Variants in ANAPC10 observed in about 807,000 individuals in gnomAD.
ANAPC10 encodes the protein anaphase-promoting complex subunit 10.
In ANAPC10, 12 loss-of-function variants were observed where a neutral mutation model predicts 22.0. That is an observed-to-expected ratio of 0.55 (90% CI 0.35 to 0.88). The LOEUF (loss-of-function observed/expected upper bound fraction) is 0.88. Ranked by LOEUF, ANAPC10 falls within the 40% of genes least tolerant of loss-of-function variation. ANAPC10 has a pLI of 0.01. For missense variants in ANAPC10, 188 were observed against 220.9 expected (o/e 0.85, Z 0.94); for synonymous variants, 65 against 69.5 (o/e 0.94, Z 0.32).
chr4:145,035,212 T>C (rs1352447138), intron 4 of ANAPC10: 3 of 152,174 alleles, frequency 2.0e-5, no homozygotes, highest in South Asian at 2.1e-4. Context: ...GCTGGCTAGA[T>C]TGGTATTAAC....
rs1553967000 is a variant in ANAPC10 at position 145,026,945 on chromosome 4, A to ATGTGTGTG, written c.328-31350_328-31343dup. 2.3e-4 allele frequency among the ~76,000 whole-genome samples: 4 copies of ATGTGTGTG among 17,154 alleles called. 1 individual carries two copies. Among genetic ancestry groups the ATGTGTGTG allele is most frequent in the African/African-American group, 3.1e-4 (2 of 6,428 alleles). 11.3% of individuals were successfully genotyped at this position (17,154 alleles called of 152,430 possible). ...CATATATATATATATATATATATAT[A>ATGTGTGTG]TGTGTGTGTGTGTATATATATATAT... On this transcript the variant is annotated intron_variant, in intron 4 of 4. Transcript: ENST00000507656.
At chr4:144,996,626 G>C (rs554440138) in intron 4 of ANAPC10, among the ~76,000 whole-genome samples, 4 of 152,116 alleles carry the variant, frequency 2.6e-5, no homozygotes, top group Non-Finnish European at 4.4e-5. Context: ...ACAAAGATGG[G>C]GAGAAACCAG....
At chr4:145,047,855 T>C (rs1197325869) in intron 4 of ANAPC10, among the ~76,000 whole-genome samples, 1 of 152,144 alleles carries the variant, frequency 6.6e-6, no homozygotes, top group African/African-American at 2.4e-5. Context: ...GCTACCTAAA[T>C]ACTAAGGTAG....
intron 4 of ANAPC10, among the ~76,000 whole-genome samples, chr4:145,016,225 C>T (rs544394559): frequency 1.5e-3 from 233 of 152,230 alleles, no homozygotes; most frequent in African/African-American, 5.3e-3. Context: ...AAAACCCCAC[C>T]GTCTCAGCCC....
chr4:145,071,848 A>G (rs751799758), intron 3 of ANAPC10, among the ~76,000 whole-genome samples: 1 of 152,340 alleles, frequency 6.6e-6, no homozygotes. Flanking sequence ...CATCCATAAG[A>G]TAATAGTCAG....
At chr4:145,097,097 G>C (rs939117777) in intron 1 of ANAPC10, 6 of 193,094 alleles carry the variant, frequency 3.1e-5, no homozygotes, top group African/African-American at 7.2e-5. Flanking sequence ...GTAGTCCCAG[G>C]GGGGCTGAGA....
intron 4 of ANAPC10, among the ~76,000 whole-genome samples, chr4:145,048,126 T>C (rs1740599631): frequency 6.6e-6 from 1 of 152,148 alleles, no homozygotes; most frequent in Non-Finnish European, 1.5e-5. Context: ...ATTCTTTTCC[T>C]CAGTAAAGCT....
chr4:145,019,552 C>T (rs572483051), intron 4 of ANAPC10, among the ~76,000 whole-genome samples: 2 of 152,100 alleles, frequency 1.3e-5, no homozygotes, highest in Admixed American at 6.6e-5. Context: ...GAAACACGAA[C>T]AAACCAAACC....
chr4:145,062,476 G>A (rs752268468), intron 4 of ANAPC10, among the ~76,000 whole-genome samples: 36 of 151,932 alleles, frequency 2.4e-4, no homozygotes, highest in Non-Finnish European at 3.8e-4. Context: ...GCATGGTGGC[G>A]CATTCCTGTA....
intron 2 of ANAPC10, among the ~76,000 whole-genome samples, chr4:145,091,287 T>C (rs1321171660): frequency 3.9e-5 from 6 of 152,182 alleles, no homozygotes; most frequent in African/African-American, 1.2e-4. Context: ...AATATTGTGA[T>C]AGTAATGAGG....
chr4:145,004,747 T>C (rs1320830800), intron 4 of ANAPC10, among the ~76,000 whole-genome samples: 1 of 152,158 alleles, frequency 6.6e-6, no homozygotes, highest in Non-Finnish European at 1.5e-5. Flanking sequence ...TTCAGTTTGC[T>C]AGTATTTTGT....
chr4:145,056,488 A>T (rs879150538), intron 4 of ANAPC10, among the ~76,000 whole-genome samples: 1 of 152,066 alleles, frequency 6.6e-6, no homozygotes, highest in African/African-American at 2.4e-5. Context: ...TTCCTTAAAA[A>T]ACTCGCTTTC....
At chr4:145,069,308 T>A (rs111263147) in intron 3 of ANAPC10, among the ~76,000 whole-genome samples, 2,740 of 152,232 alleles carry the variant, frequency 0.018, 95 homozygotes, top group African/African-American at 0.062. Context: ...CCAAAGAGAA[T>A]CTAGTAGTCT....
In ANAPC10 at chr4:145,066,786, A is replaced by AC. The variant is rs1743762312; in HGVS notation, c.207-2095_207-2094insG. Among the ~76,000 whole-genome samples, 7 of 151,580 alleles carry AC rather than the reference A, an allele frequency of 4.6e-5. No individual in the cohort carries two copies. The South Asian group carries it at 1.5e-3, about 32-fold the overall frequency. On this transcript the variant is annotated intron_variant, in intron 3 of 4. Coordinates refer to ENST00000507656, the MANE Select transcript of ANAPC10 (RefSeq NM_001256706.2). ...CTTCATTTTTCTGATTTAAAAAAAA[A>AC]ACATAACACTTAGGTTAATAACTGG...
At chr4:145,079,599 G>A (rs1051289098) in intron 3 of ANAPC10, among the ~76,000 whole-genome samples, 9 of 152,082 alleles carry the variant, frequency 5.9e-5, no homozygotes, top group African/African-American at 1.4e-4. Context: ...GCAGCACTAC[G>A]CACAATAGCA....
At chr4:144,996,368 C>A (rs1731611852) in intron 4 of ANAPC10, among the ~76,000 whole-genome samples, 2 of 152,170 alleles carry the variant, frequency 1.3e-5, no homozygotes, top group Admixed American at 1.3e-4. Flanking sequence ...CAGCTGGGCG[C>A]CACTTGGAGA....
Position 144,995,196 on chromosome 4 carries a change from T to TA in ANAPC10, c.*176dup. The stretch of plus-strand genomic sequence containing the variant: ...AAAATATGTGAGCTTTATTACATGT[T>TA]AAAGAAAATAAAGATAATATGACCC... On this transcript the variant is annotated 3_prime_UTR_variant, in exon 5 of 5. Transcript: ENST00000507656. 2 of 414,712 alleles carry TA rather than the reference T, an allele frequency of 4.8e-6. No homozygotes were observed. Among genetic ancestry groups the TA allele is most frequent in the Non-Finnish European group, 8.5e-6 (2 of 236,508 alleles). 25.7% of individuals were successfully genotyped at this position (414,712 alleles called of 1,614,324 possible).
intron 4 of ANAPC10, 37 bp from the exon 5 acceptor site, chr4:144,995,640 C>A: frequency 7.3e-7 from 1 of 1,374,942 alleles, no homozygotes. Context: ...TGCTTTTATT[C>A]AACAAATATA....
intron 2 of ANAPC10, among the ~76,000 whole-genome samples, chr4:145,087,615 A>G (rs959848318): frequency 6.6e-6 from 1 of 152,246 alleles, no homozygotes; most frequent in East Asian, 1.9e-4. Flanking sequence ...TTAGTTCCTC[A>G]GTAACAGTAG....
Sources: gnomAD v4.1 joint callset for allele counts (sites outside exome capture counted in the v4.1 genomes callset) on GRCh38, gnomAD v4.1.1 for gene constraint, MANE v1.5 for transcripts, NCBI Gene and HGNC (gene_info 2026-07-23, HGNC 2026-07-21) for gene names.